The following HOOK3 variants were observed in gnomAD, a reference collection of about 807,000 sequenced individuals.
HOOK3 encodes hook microtubule tethering protein 3.
Under a neutral mutation model 116.3 loss-of-function variants are expected in HOOK3, and 24 were observed. That is an observed-to-expected ratio of 0.21 (90% confidence interval 0.15 to 0.29). The LOEUF is 0.29. Among genes scored for constraint, HOOK3 ranks in the 10% least tolerant of loss-of-function variants. HOOK3 has a pLI of 1.00. For synonymous variants in HOOK3, 275 were observed against 283.0 expected, an observed-to-expected ratio of 0.97 and a Z score of 0.28; for missense variants, 632 against 830.2, an observed-to-expected ratio of 0.76 and a Z score of 2.93.
intron 5 of HOOK3, among the ~76,000 whole-genome samples, chr8:42,946,763 C>CTTTT (rs34564365): frequency 5.4e-3 from 397 of 73,870 alleles, no homozygotes; most frequent in Non-Finnish European, 6.8e-3. Flanking sequence ...CTCTTTCTTT[C>CTTTT]TTTTTTTTTT....
chr8:42,952,750 G>T (rs1031393538), intron 6 of HOOK3, among the ~76,000 whole-genome samples: 1 of 152,142 alleles, frequency 6.6e-6, no homozygotes, highest in Non-Finnish European at 1.5e-5. Flanking sequence ...ATGCAAACTG[G>T]TATATCTTTT....
At position 43,018,317 on chromosome 8, in the gene HOOK3, C is replaced by T. The variant is rs982946081; in HGVS notation, c.2017-41C>T. On this transcript the variant is annotated intron_variant, in intron 21 of 21. Coordinates refer to ENST00000307602, the MANE Select transcript of HOOK3 (RefSeq NM_032410.4). ...ATTTTCTTTTGTGAAGTATGTTCCA[C>T]TATTTTTTCATTGATTCCTTTTTTT... 10 of 1,536,454 alleles carry T rather than the reference C, an allele frequency of 6.5e-6. No individual in the cohort carries two copies. The African/African-American group carries it at 1.1e-4, about 17-fold the overall frequency.
intron 15 of HOOK3, among the ~76,000 whole-genome samples, chr8:42,991,930 AG>A (rs1809169428): frequency 6.6e-6 from 1 of 152,166 alleles, no homozygotes; most frequent in Non-Finnish European, 1.5e-5. Flanking sequence ...TCATGAACAT[AG>A]AATATCTTTC....
chr8:42,951,420 T>G (rs1199487915), intron 6 of HOOK3, among the ~76,000 whole-genome samples: 2 of 152,182 alleles, frequency 1.3e-5, no homozygotes, highest in African/African-American at 4.8e-5. Flanking sequence ...GTTTCCTGTT[T>G]GGCAGAAAAT....
At chr8:42,921,807 TGGA>T (rs1462628093) in intron 2 of HOOK3, among the ~76,000 whole-genome samples, 1 of 152,166 alleles carries the variant, frequency 6.6e-6, no homozygotes, top group Non-Finnish European at 1.5e-5. Flanking sequence ...GTGTTGTTTA[TGGA>T]GGAATAGGAA....
In HOOK3 at chr8:43,030,369, TA is replaced by T. The variant is rs377531768; in HGVS notation, c.*11872del. ...ACTGCCAACTTGTTACGGTATTAAT[TA>T]TATGTATGTGTTTATATGTATGCAT... On this transcript the variant is annotated 3_prime_UTR_variant, in exon 22 of 22. Transcript: ENST00000307602. 2.1e-3 allele frequency: 378 copies of T among 181,124 alleles called. 1 individual carries two copies. The highest frequency in any genetic ancestry group is 6.5e-3 in the Middle Eastern group (3 of 464). 11.2% of individuals were successfully genotyped at this position (181,124 alleles called of 1,614,324 possible).
intron 15 of HOOK3, among the ~76,000 whole-genome samples, chr8:42,994,061 G>C (rs1220617897): frequency 6.6e-6 from 1 of 152,110 alleles, no homozygotes; most frequent in African/African-American, 2.4e-5. Flanking sequence ...CTGTCACCCA[G>C]GCTGGAGTGT....
At chr8:42,965,530 A>G (rs1399366719) in intron 9 of HOOK3, among the ~76,000 whole-genome samples, 1 of 152,218 alleles carries the variant, frequency 6.6e-6, no homozygotes, top group Non-Finnish European at 1.5e-5. Context: ...GTCCTGCAAG[A>G]TAAGACGGAA....
At chr8:42,996,894 C>CTT (rs60094537) in intron 15 of HOOK3, among the ~76,000 whole-genome samples, 1,266 of 77,890 alleles carry the variant, frequency 0.016, 311 homozygotes, top group African/African-American at 0.033. Flanking sequence ...GGGCAGGGAT[C>CTT]TTTTTTTTTT....
chr8:42,925,934 A>G (rs1394526884), intron 3 of HOOK3, among the ~76,000 whole-genome samples: 1 of 152,192 alleles, frequency 6.6e-6, no homozygotes, highest in Admixed American at 6.5e-5. Context: ...CATTTGTAAA[A>G]TGAGGATTAA....
intron 18 of HOOK3, among the ~76,000 whole-genome samples, chr8:43,008,429 A>G (rs977435452): frequency 1.3e-5 from 2 of 151,040 alleles, no homozygotes; most frequent in African/African-American, 4.9e-5. Flanking sequence ...CCATCCTTCT[A>G]CCTAACCACC....
intron 2 of HOOK3, among the ~76,000 whole-genome samples, chr8:42,919,769 T>C (rs1374436447): frequency 1.3e-5 from 2 of 152,152 alleles, no homozygotes; most frequent in Non-Finnish European, 2.9e-5. Flanking sequence ...GGTGAAACCC[T>C]GTCTCCACCA....
chr8:43,011,368 A>G (rs188948094), intron 19 of HOOK3, among the ~76,000 whole-genome samples: 178 of 152,180 alleles, frequency 1.2e-3, no homozygotes, highest in African/African-American at 4.2e-3. Flanking sequence ...ATTTGTGCTC[A>G]AGTATTTAAA....
chr8:42,899,687 C>T (rs924169661), intron 1 of HOOK3, among the ~76,000 whole-genome samples: 1 of 152,168 alleles, frequency 6.6e-6, no homozygotes, highest in African/African-American at 2.4e-5. Context: ...TTTATGTCAG[C>T]TTCTAGTCAG....
At position 43,027,991 on chromosome 8, in the gene HOOK3, G is replaced by T; in HGVS notation, c.*9493G>T. On this transcript the variant is annotated 3_prime_UTR_variant, in exon 22 of 22. Coordinates refer to ENST00000307602, the MANE Select transcript of HOOK3 (RefSeq NM_032410.4). Reference sequence around the variant, plus strand: ...CTGAGATTTTACCACCATACTTAGAGAAAGTTTTTCTGTTATAAAAATTAA... The same window carrying T: ...CTGAGATTTTACCACCATACTTAGATAAAGTTTTTCTGTTATAAAAATTAA... 5.2e-6 allele frequency: 1 copy of T among 193,524 alleles called. No homozygotes were observed. Among genetic ancestry groups the T allele is most frequent in the East Asian group, 8.2e-5 (1 of 12,160 alleles). The allele number at this position is 193,524 out of a possible 1,614,324, so 12.0% of individuals were successfully genotyped here. A position where few individuals can be genotyped will look rare whatever the true frequency, so the allele number is the denominator to read the frequency against.
At chr8:42,917,480 A>G (rs561560051) in intron 2 of HOOK3, among the ~76,000 whole-genome samples, 7 of 152,288 alleles carry the variant, frequency 4.6e-5, no homozygotes, top group East Asian at 1.9e-4. Context: ...GGGGCCCACA[A>G]TGAATCCCCT....
chr8:42,953,891 A>T (rs1394629878), intron 6 of HOOK3, among the ~76,000 whole-genome samples: 1 of 152,220 alleles, frequency 6.6e-6, no homozygotes, highest in East Asian at 1.9e-4. Context: ...AGTGACCGAG[A>T]TAGCACTCAG....
At chr8:42,960,734 T>C (rs1194972380) in intron 8 of HOOK3, among the ~76,000 whole-genome samples, 1 of 152,186 alleles carries the variant, frequency 6.6e-6, no homozygotes, top group Non-Finnish European at 1.5e-5. Flanking sequence ...TGTCAGGCAC[T>C]GGGATGCATC....
chr8:42,922,189 C>T (rs1160476359), intron 2 of HOOK3, among the ~76,000 whole-genome samples: 2 of 152,214 alleles, frequency 1.3e-5, no homozygotes, highest in Admixed American at 6.5e-5. Flanking sequence ...CTCGATTAGG[C>T]AGGAGCTTCT....
Sources: gnomAD v4.1 joint callset for allele counts (sites outside exome capture counted in the v4.1 genomes callset) on GRCh38, gnomAD v4.1.1 for gene constraint, MANE v1.5 for transcripts, NCBI Gene and HGNC (gene_info 2026-07-23, HGNC 2026-07-21) for gene names.